The following CNTN5 variants were observed in gnomAD, a reference collection of about 807,000 sequenced individuals.
The protein encoded by CNTN5 is contactin 5, also known as contactin-5.
CNTN5 carries 77 observed loss-of-function variants against 129.1 expected under a neutral mutation model. The ratio of observed to expected loss-of-function variants is 0.60; its 90% CI spans 0.50 to 0.72. The LOEUF (loss-of-function observed/expected upper bound fraction) is 0.72. CNTN5 is among the 30% of genes least tolerant of loss of function. The pLI is 0.00. For synonymous variants in CNTN5, 509 were observed against 465.6 expected (o/e 1.09, Z -1.20); for missense variants, 1,478 against 1,328.8 (o/e 1.11, Z -1.75).
chr11:99,927,116 G>T (rs1442548689), intron 7 of CNTN5, among the ~76,000 whole-genome samples: 1 of 152,148 alleles, frequency 6.6e-6, no homozygotes, highest in East Asian at 1.9e-4. Flanking sequence ...TTTGGACACA[G>T]AGAGCTCTAT....
chr11:99,684,273 T>C (rs1283439567), intron 3 of CNTN5, among the ~76,000 whole-genome samples: 6 of 151,888 alleles, frequency 4.0e-5, no homozygotes, highest in African/African-American at 1.2e-4. Flanking sequence ...TTTTTCTAGG[T>C]ATTCAGTGAT....
chr11:99,126,851 G>A (rs1406201909), intron 1 of CNTN5, among the ~76,000 whole-genome samples: 3 of 152,068 alleles, frequency 2.0e-5, no homozygotes, highest in East Asian at 3.9e-4. Context: ...TCCACTGGAT[G>A]TCAGTTAAAC....
At chr11:99,213,560 A>T (rs999929873) in intron 1 of CNTN5, among the ~76,000 whole-genome samples, 3 of 151,178 alleles carry the variant, frequency 2.0e-5, no homozygotes, top group African/African-American at 7.3e-5. Context: ...TGTTGAGAGT[A>T]GACTTGTAGT....
chr11:99,645,059 G>A (rs1475744886), intron 3 of CNTN5, among the ~76,000 whole-genome samples: 6 of 150,342 alleles, frequency 4.0e-5, no homozygotes, highest in Non-Finnish European at 8.9e-5. Context: ...AAGGTCAGGA[G>A]TTGAGACCAG....
intron 3 of CNTN5, among the ~76,000 whole-genome samples, chr11:99,628,869 C>T (rs1379247805): frequency 6.6e-6 from 1 of 151,936 alleles, no homozygotes; most frequent in East Asian, 1.9e-4. Flanking sequence ...AAACCTCAAA[C>T]ATGTAAAAGC....
intron 1 of CNTN5, among the ~76,000 whole-genome samples, chr11:99,104,600 T>C (rs1166084063): frequency 1.3e-5 from 2 of 148,232 alleles, no homozygotes; most frequent in East Asian, 4.0e-4. Flanking sequence ...TGATTTAATC[T>C]ACCTACAATG....
In CNTN5 at chr11:99,709,977, G is replaced by A. The variant is rs144241457; in HGVS notation, c.56-109567G>A. Among the ~76,000 whole-genome samples, 353 of 151,982 alleles carry A rather than the reference G, an allele frequency of 2.3e-3. 1 individual carries two copies. Among genetic ancestry groups the A allele is most frequent in the African/African-American group, 7.3e-3 (301 of 41,510 alleles). On this transcript the variant is annotated intron_variant, in intron 3 of 24. Coordinates refer to ENST00000524871, the MANE Select transcript of CNTN5 (RefSeq NM_014361.4). ...TACATTTGTGATTTCTGCATAAGCT[G>A]TGTCTTTACACAGTTCATTCTGCCT...
chr11:99,652,412 T>C (rs1952191449), intron 3 of CNTN5, among the ~76,000 whole-genome samples: 1 of 152,062 alleles, frequency 6.6e-6, no homozygotes, highest in Admixed American at 6.6e-5. Context: ...TAAAGTAACC[T>C]AATCAAGAGA....
intron 1 of CNTN5, among the ~76,000 whole-genome samples, chr11:99,309,201 G>T (rs1215809899): frequency 6.7e-6 from 1 of 149,726 alleles, no homozygotes; most frequent in Non-Finnish European, 1.5e-5. Flanking sequence ...AGAGTGTTGG[G>T]TGGTTTTGTT....
intron 13 of CNTN5, among the ~76,000 whole-genome samples, chr11:100,137,507 G>A (rs945562570): frequency 6.6e-6 from 1 of 152,100 alleles, no homozygotes; most frequent in African/African-American, 2.4e-5. Flanking sequence ...GATGATAAAT[G>A]AAAGGATGAC....
rs1195104839 is a variant in CNTN5, at chr11:99,735,057, A to C, written c.56-84487A>C. Among the ~76,000 whole-genome samples the C allele has an allele frequency of 1.4e-4, 21 of 152,228 alleles. 1 individual carries two copies. Among genetic ancestry groups the C allele is most frequent in the Admixed American group, 1.3e-3 (20 of 15,284 alleles). On this transcript the variant is annotated intron_variant, in intron 3 of 24. Coordinates refer to ENST00000524871, the MANE Select transcript of CNTN5 (RefSeq NM_014361.4). ...CTGTAACCCACTGTGTTATAATAGA[A>C]AGTGAATTAAGAAGTCAACATCTTA...
intron 4 of CNTN5, among the ~76,000 whole-genome samples, chr11:99,821,667 T>G (rs1448401292): frequency 1.3e-5 from 2 of 152,044 alleles, no homozygotes; most frequent in African/African-American, 4.8e-5. Context: ...AACAACAAAA[T>G]GAGAAGTAGT....
chr11:100,003,354 A>G (rs1339508781), intron 9 of CNTN5, among the ~76,000 whole-genome samples: 3 of 152,170 alleles, frequency 2.0e-5, no homozygotes, highest in Admixed American at 6.5e-5. Context: ...AGATTGAATA[A>G]TAGTTAAAAG....
intron 1 of CNTN5, among the ~76,000 whole-genome samples, chr11:99,323,564 T>C (rs986332320): frequency 4.6e-5 from 7 of 152,178 alleles, no homozygotes; most frequent in African/African-American, 1.7e-4. Flanking sequence ...TCTCATTTAA[T>C]GTTCTCAGTA....
intron 1 of CNTN5, among the ~76,000 whole-genome samples, chr11:99,241,132 T>C (rs1363922957): frequency 6.6e-6 from 1 of 152,164 alleles, no homozygotes; most frequent in African/African-American, 2.4e-5. Flanking sequence ...GCCCAGTCTT[T>C]TAATATTACT....
intron 7 of CNTN5, among the ~76,000 whole-genome samples, chr11:99,953,415 C>T (rs975076315): frequency 3.3e-5 from 5 of 152,166 alleles, no homozygotes; most frequent in African/African-American, 1.2e-4. Flanking sequence ...AATGTTCTCA[C>T]TACCAAAATT....
At chr11:100,201,426 T>C (rs915082007) in intron 15 of CNTN5, among the ~76,000 whole-genome samples, 14 of 152,040 alleles carry the variant, frequency 9.2e-5, no homozygotes, top group African/African-American at 3.1e-4. Flanking sequence ...ATCAAAACCA[T>C]TCTTTATAAC....
At chr11:99,304,876 T>A (rs888908243) in intron 1 of CNTN5, among the ~76,000 whole-genome samples, 2 of 152,286 alleles carry the variant, frequency 1.3e-5, no homozygotes, top group South Asian at 4.1e-4. Context: ...GAGTTGTGAC[T>A]GTGTCTCTAC....
chr11:99,239,012 G>A (rs1861413617), intron 1 of CNTN5, among the ~76,000 whole-genome samples: 1 of 151,868 alleles, frequency 6.6e-6, no homozygotes, highest in Non-Finnish European at 1.5e-5. Flanking sequence ...TTTTTTACAG[G>A]TTTATGTAGT....
Sources: gnomAD v4.1 joint callset for allele counts (sites outside exome capture counted in the v4.1 genomes callset) on GRCh38, gnomAD v4.1.1 for gene constraint, MANE v1.5 for transcripts, NCBI Gene and HGNC (gene_info 2026-07-23, HGNC 2026-07-21) for gene names.